Variants in CREB5 observed in about 807,000 individuals in gnomAD.
CREB5 encodes cAMP responsive element binding protein 5.
CREB5 carries 19 observed loss-of-function variants against 57.1 expected under a neutral mutation model. The observed-to-expected ratio is 0.33, with a 90% CI of 0.23 to 0.49. The LOEUF (loss-of-function observed/expected upper bound fraction) is 0.49, where lower values mean the gene tolerates loss of function less well. Ranked by LOEUF, CREB5 falls within the 20% of genes least tolerant of loss-of-function variation. The pLI is 0.99. For synonymous variants in CREB5, 238 were observed against 238.3 expected, an observed-to-expected ratio of 1.00 and a Z score of 0.01; for missense variants, 579 against 671.6, an observed-to-expected ratio of 0.86 and a Z score of 1.52.
chr7:28,323,698 G>C (rs905924115), intron 1 of CREB5, among the ~76,000 whole-genome samples: 1 of 152,070 alleles, frequency 6.6e-6, no homozygotes, highest in African/African-American at 2.4e-5. Flanking sequence ...ATTTTTCCAC[G>C]GACTTTGGGT....
At chr7:28,417,927 A>G (rs763635733) in intron 1 of CREB5, among the ~76,000 whole-genome samples, 10 of 152,226 alleles carry the variant, frequency 6.6e-5, no homozygotes, top group Non-Finnish European at 1.3e-4. Flanking sequence ...GGGTGTTTTA[A>G]ATGGTCTGCT....
intron 5 of CREB5, among the ~76,000 whole-genome samples, chr7:28,678,890 C>T (rs80009076): frequency 0.012 from 1,814 of 152,274 alleles, 31 homozygotes; most frequent in African/African-American, 0.04. Flanking sequence ...AACTTCTCTG[C>T]TCAGTGTAAG....
At chr7:28,321,895 A>G (rs1192116580) in intron 1 of CREB5, among the ~76,000 whole-genome samples, 3 of 152,260 alleles carry the variant, frequency 2.0e-5, no homozygotes, top group Non-Finnish European at 4.4e-5. Flanking sequence ...TGGCACTGAC[A>G]GTAGCAGAAA....
intron 5 of CREB5, among the ~76,000 whole-genome samples, chr7:28,601,704 G>T (rs1431165299): frequency 1.3e-5 from 2 of 152,166 alleles, no homozygotes; most frequent in Admixed American, 1.3e-4. Flanking sequence ...ACTTCTGGTT[G>T]CACTGGAAAC....
chr7:28,546,842 C>T (rs1794442039), intron 4 of CREB5, among the ~76,000 whole-genome samples: 3 of 152,172 alleles, frequency 2.0e-5, no homozygotes, highest in African/African-American at 7.2e-5. Context: ...CAAGCCTCAG[C>T]TTCCTCATTT....
intron 1 of CREB5, among the ~76,000 whole-genome samples, chr7:28,325,509 C>T (rs1207523865): frequency 1.3e-5 from 2 of 152,210 alleles, no homozygotes; most frequent in East Asian, 3.9e-4. Flanking sequence ...CGAAGGCTTC[C>T]CTTGATGCTG....
intron 5 of CREB5, among the ~76,000 whole-genome samples, chr7:28,655,048 G>T (rs117321498): frequency 6.6e-6 from 1 of 152,018 alleles, no homozygotes; most frequent in African/African-American, 2.4e-5. Context: ...ATAGCTGGGG[G>T]TGTGCCACTA....
At chr7:28,587,625 G>C (rs535652959) in intron 5 of CREB5, among the ~76,000 whole-genome samples, 2 of 152,090 alleles carry the variant, frequency 1.3e-5, no homozygotes, top group South Asian at 2.1e-4. Flanking sequence ...TGAATAAGAG[G>C]CTTAAATACA....
intron 1 of CREB5, among the ~76,000 whole-genome samples, chr7:28,472,379 A>C (rs1790861401): frequency 6.6e-6 from 1 of 152,158 alleles, no homozygotes; most frequent in Non-Finnish European, 1.5e-5. Context: ...TTAATCCTCA[A>C]AAAAATCTAT....
intron 1 of CREB5, among the ~76,000 whole-genome samples, chr7:28,301,413 G>A (rs1785096608): frequency 6.6e-6 from 1 of 151,998 alleles, no homozygotes; most frequent in Non-Finnish European, 1.5e-5. Flanking sequence ...TGGGGATCTT[G>A]TTATTATACA....
chr7:28,786,650 C>T (rs998680505), intron 7 of CREB5, among the ~76,000 whole-genome samples: 1 of 152,108 alleles, frequency 6.6e-6, no homozygotes, highest in Non-Finnish European at 1.5e-5. Context: ...GTCCTCCTCC[C>T]GACTCTTATT....
chr7:28,604,773 A>G (rs1797047188), intron 5 of CREB5, among the ~76,000 whole-genome samples: 1 of 152,090 alleles, frequency 6.6e-6, no homozygotes, highest in Non-Finnish European at 1.5e-5. Context: ...TAGCCCTATC[A>G]TTGGGGCCAA....
chr7:28,697,681 A>C (rs17157048), intron 5 of CREB5, among the ~76,000 whole-genome samples: 32,523 of 152,156 alleles, frequency 0.21, 3,664 homozygotes, highest in Admixed American at 0.25. Flanking sequence ...CGCAATTGGG[A>C]ATCTCCAGAA....
intron 5 of CREB5, among the ~76,000 whole-genome samples, chr7:28,654,978 T>G (rs1799280255): frequency 6.6e-6 from 1 of 152,104 alleles, no homozygotes; most frequent in Non-Finnish European, 1.5e-5. Flanking sequence ...TGGCACAATA[T>G]TGGCTCACTG....
intron 5 of CREB5, among the ~76,000 whole-genome samples, chr7:28,631,875 T>G (rs1041999054): frequency 2.6e-5 from 4 of 152,000 alleles, no homozygotes; most frequent in African/African-American, 9.7e-5. Context: ...CGGAAGAGAA[T>G]GTGTTTGAAA....
At chr7:28,334,920 A>G (rs1785791214) in intron 1 of CREB5, among the ~76,000 whole-genome samples, 1 of 152,180 alleles carries the variant, frequency 6.6e-6, no homozygotes, top group Admixed American at 6.5e-5. Context: ...TCTTCTGCAT[A>G]TGGATATCCA....
chr7:28,742,404 A>C (rs2128757825), intron 7 of CREB5, among the ~76,000 whole-genome samples: 1 of 151,980 alleles, frequency 6.6e-6, no homozygotes, highest in Middle Eastern at 3.4e-3. Flanking sequence ...ATCTCTACTA[A>C]AAATACAAAA....
chr7:28,481,054 C>T (rs927334801), intron 1 of CREB5, among the ~76,000 whole-genome samples: 1 of 152,182 alleles, frequency 6.6e-6, no homozygotes, highest in African/African-American at 2.4e-5. Context: ...GCATAAACGC[C>T]ACATAAATAA....
chr7:28,532,690 A>T (rs1290801665), intron 4 of CREB5, among the ~76,000 whole-genome samples: 1 of 152,250 alleles, frequency 6.6e-6, no homozygotes, highest in African/African-American at 2.4e-5. Context: ...TACAACTACA[A>T]ACACATTAGG....
Sources: gnomAD v4.1 joint callset for allele counts (sites outside exome capture counted in the v4.1 genomes callset) on GRCh38, gnomAD v4.1.1 for gene constraint, MANE v1.5 for transcripts, NCBI Gene and HGNC (gene_info 2026-07-23, HGNC 2026-07-21) for gene names.